OTUD6B: variants seen among roughly 807,000 people sequenced by gnomAD.
OTUD6B encodes OTU deubiquitinase 6B.
OTUD6B carries 41 observed loss-of-function variants against 36.9 expected under a neutral mutation model. The observed-to-expected ratio is 1.11, with a 90% CI of 0.87 to 1.44. The LOEUF (loss-of-function observed/expected upper bound fraction) is 1.44. Ranked by LOEUF, OTUD6B falls within the 40% of genes most tolerant of loss-of-function variation. The pLI is 0.00. For synonymous variants in OTUD6B, 114 were observed against 114.2 expected (o/e 1.00, Z 0.01); for missense variants, 356 against 344.8 (o/e 1.03, Z -0.26).
At chr8:91,075,324 A>G (rs906005711) in intron 3 of OTUD6B, among the ~76,000 whole-genome samples, 4 of 152,046 alleles carry the variant, frequency 2.6e-5, no homozygotes, top group Non-Finnish European at 5.9e-5. Context: ...TCTAGCTTCT[A>G]TAGATCAAAA....
At chr8:91,079,920 G>A (rs1366616283) in intron 4 of OTUD6B, among the ~76,000 whole-genome samples, 1 of 152,058 alleles carries the variant, frequency 6.6e-6, no homozygotes, top group African/African-American at 2.4e-5. Context: ...ATTTAACAGG[G>A]TATGAGACAA....
At chr8:91,070,904 A>G (rs1400677661) in intron 1 of OTUD6B, 1 of 349,896 alleles carries the variant, frequency 2.9e-6, no homozygotes, top group Admixed American at 6.5e-5. Context: ...TCCTTCTCTT[A>G]TCTCGCCAAA....
Position 91,084,868 on chromosome 8 carries a change from AT to A in OTUD6B, c.*3del. The stretch of plus-strand genomic sequence containing the variant: ...ACATAGTTACTGAAAATTGCAGCTA[AT>A]TTATACAATGTTGTACAATTATGTT... On this transcript the variant is annotated 3_prime_UTR_variant, in exon 7 of 7. Coordinates refer to ENST00000404789, the MANE Select transcript of OTUD6B (RefSeq NM_016023.5). The A allele has an allele frequency of 1.4e-6, 2 of 1,457,236 alleles. No individual in the cohort carries two copies. The highest frequency in any genetic ancestry group is 1.9e-6 in the Non-Finnish European group (2 of 1,051,768). 90.3% of individuals were successfully genotyped at this position (1,457,236 alleles called of 1,614,324 possible).
intron 3 of OTUD6B, among the ~76,000 whole-genome samples, chr8:91,075,215 A>G (rs532986722): frequency 6.6e-5 from 10 of 152,212 alleles, no homozygotes; most frequent in South Asian, 2.1e-4. Flanking sequence ...TTGAGTAAAT[A>G]TAATTGTGAA....
intron 5 of OTUD6B, 84 bp downstream of exon 5, chr8:91,080,814 G>A: frequency 1.0e-6 from 1 of 954,656 alleles, no homozygotes; most frequent in Middle Eastern, 2.2e-4. Context: ...TTTCTCAGCT[G>A]ATCCCAATTT....
rs889860569 is a variant in OTUD6B at position 91,078,676 on chromosome 8, A to C, written c.628+8A>C. On this transcript the variant is annotated splice_region_variant and intron_variant, in intron 4 of 6. Transcript: ENST00000404789. ...GAGATATGTATACTCCAGGTAATTT[A>C]TTTTTCTTTACTATGTTTTATTGTT... 32 of 1,511,422 alleles carry C rather than the reference A, an allele frequency of 2.1e-5. No individual in the cohort carries two copies. The highest frequency in any genetic ancestry group is 2.9e-5 in the Non-Finnish European group (32 of 1,119,206). 93.6% of individuals were successfully genotyped at this position (1,511,422 alleles called of 1,614,324 possible). A position where few individuals can be genotyped will look rare whatever the true frequency, so the allele number is the denominator to read the frequency against.
chr8:91,070,604 C>A (rs1033921877), intron 1 of OTUD6B, 138 bp downstream of exon 1: 7 of 768,852 alleles, frequency 9.1e-6, no homozygotes, highest in Non-Finnish European at 1.3e-5. Flanking sequence ...GGCCTCTTCT[C>A]TCTTCACCTA....
At position 91,073,907 on chromosome 8, in the gene OTUD6B, G is replaced by C. The variant is rs1812752776; in HGVS notation, c.311G>C (p.Arg104Thr). ...CCTCGGATATCAAAAGCACAAAAGA[G>C]ACGGGTATGAAAGTCATGTCACCAA... ...QPPRISKAQK[R>T]REKKAALEKE... The change falls in exon 3 of 7, where the codon AGA becomes ACA. Residue 104 changes from arginine to threonine, a missense_variant. Transcript: ENST00000404789. 6.3e-7 allele frequency: 1 copy of C among 1,585,712 alleles called. No homozygotes were observed. The highest frequency in any genetic ancestry group is 1.2e-5 in the South Asian group (1 of 86,870).
At chr8:91,078,759 C>A in intron 4 of OTUD6B, 91 bp downstream of exon 4, 1 of 736,308 alleles carries the variant, frequency 1.4e-6, no homozygotes, top group Non-Finnish European at 2.1e-6. Flanking sequence ...TAAGAAGAAC[C>A]CAGATGATCC....
chr8:91,083,383 A>G (rs573383992), intron 5 of OTUD6B, among the ~76,000 whole-genome samples: 3 of 152,288 alleles, frequency 2.0e-5, no homozygotes, highest in African/African-American at 4.8e-5. Context: ...GTAGACTAGT[A>G]TAATATACCT....
intron 3 of OTUD6B, among the ~76,000 whole-genome samples, chr8:91,077,133 A>G (rs1160637933): frequency 1.3e-5 from 2 of 152,106 alleles, no homozygotes; most frequent in African/African-American, 4.8e-5. Flanking sequence ...CAAAATTTAT[A>G]TAACTTAGTT....
intron 3 of OTUD6B, 70 bp downstream of exon 3, chr8:91,073,981 A>C: frequency 9.8e-7 from 1 of 1,024,132 alleles, no homozygotes; most frequent in Non-Finnish European, 1.4e-6. Flanking sequence ...GTACTATCTT[A>C]GGTCTTGTTA....
Position 91,086,699 on chromosome 8 carries a change from T to G in OTUD6B, c.*1831T>G, listed in dbSNP as rs910505768. 1.3e-5 allele frequency: 2 copies of G among 152,098 alleles called. No individual in the cohort carries two copies. Among genetic ancestry groups the G allele is most frequent in the African/African-American group, 4.8e-5 (2 of 41,454 alleles). The allele number at this position is 152,098 out of a possible 1,614,324, so 9.4% of individuals were successfully genotyped here. On this transcript the variant is annotated 3_prime_UTR_variant, in exon 7 of 7. Coordinates refer to ENST00000404789, the MANE Select transcript of OTUD6B (RefSeq NM_016023.5). Reference sequence around the variant, plus strand: ...ATGTCTATTTTTCAATTTTGTTATATTTTTAATTTAAGTGGCCAATGTGGT... The same window carrying G: ...ATGTCTATTTTTCAATTTTGTTATAGTTTTAATTTAAGTGGCCAATGTGGT...
At chr8:91,076,699 A>G in intron 3 of OTUD6B, 1 of 1,263,434 alleles carries the variant, frequency 7.9e-7, no homozygotes, top group Non-Finnish European at 1.1e-6. Flanking sequence ...CAGAAGAGGA[A>G]AATGAGGGGT....
In OTUD6B at chr8:91,084,760, ATTTC is replaced by A. The variant is rs780269846; in HGVS notation, c.798-20_798-17del. ...AAAATTGCTTTCATCAAAACTACTC[ATTTC>A]TTTTTTTTTTTAATTTCAGATATAT... On this transcript the variant is annotated intron_variant, in intron 6 of 6. Transcript: ENST00000404789. 11 of 1,450,422 alleles carry A rather than the reference ATTTC, an allele frequency of 7.6e-6. No homozygotes were observed. The highest frequency in any genetic ancestry group is 2.8e-5 in the South Asian group (2 of 72,364). The allele number at this position is 1,450,422 out of a possible 1,614,324, so 89.8% of individuals were successfully genotyped here. A position where few individuals can be genotyped will look rare whatever the true frequency, so the allele number is the denominator to read the frequency against.
In OTUD6B at chr8:91,085,331, G is replaced by A. The variant is rs1333211299; in HGVS notation, c.*463G>A. The A allele has an allele frequency of 1.3e-5, 2 of 152,082 alleles. No homozygotes were observed. Among genetic ancestry groups the A allele is most frequent in the African/African-American group, 4.8e-5 (2 of 41,414 alleles). The allele number at this position is 152,082 out of a possible 1,614,324, so 9.4% of individuals were successfully genotyped here. A position where few individuals can be genotyped will look rare whatever the true frequency, so the allele number is the denominator to read the frequency against. On this transcript the variant is annotated 3_prime_UTR_variant, in exon 7 of 7. Coordinates refer to ENST00000404789, the MANE Select transcript of OTUD6B (RefSeq NM_016023.5). ...TCAATTTAATTATTGCTTATAAAATGAACTTGATTGCAGTAACCATGGTAT... is the reference window on the plus strand; with the variant it reads ...TCAATTTAATTATTGCTTATAAAATAAACTTGATTGCAGTAACCATGGTAT...
rs756619826 is a variant in OTUD6B, at chr8:91,078,589, C to T, written c.549C>T (p.Thr183=). Residue 183 remains threonine (T), a synonymous_variant, in exon 4 of 7, where the codon ACC becomes ACT. Transcript: ENST00000404789. ...ALTVVALRSQ[T]AEYMQSHVED... ...CTGTGGTTGCCTTGAGAAGTCAGAC[C>T]GCTGAGTATATGCAAAGCCATGTGG... 24 of 1,604,164 alleles carry T rather than the reference C, an allele frequency of 1.5e-5. No homozygotes were observed. The highest frequency in any genetic ancestry group is 2.2e-5 in the South Asian group (2 of 89,336).
rs185227993 is a variant in OTUD6B, at chr8:91,074,305, G to A, written c.315+394G>A. ...TAAAAATTCAGAATGTGGGCCCAGGGGATTCTGATGCACAACCCTAGCCAA... is the reference window on the plus strand; with the variant it reads ...TAAAAATTCAGAATGTGGGCCCAGGAGATTCTGATGCACAACCCTAGCCAA... On this transcript the variant is annotated intron_variant, in intron 3 of 6. Transcript: ENST00000404789. 2.3e-3 allele frequency among the ~76,000 whole-genome samples: 354 copies of A among 152,072 alleles called. 1 individual carries two copies. The highest frequency in any genetic ancestry group is 0.02 in the Admixed American group (311 of 15,284).
intron 6 of OTUD6B, 106 bp downstream of exon 6, chr8:91,084,220 T>G (rs1451198490): frequency 1.5e-6 from 1 of 669,906 alleles, no homozygotes; most frequent in African/African-American, 1.8e-5. Flanking sequence ...TAGATAATTT[T>G]TTAAACCTCT....
Sources: gnomAD v4.1 joint callset for allele counts (sites outside exome capture counted in the v4.1 genomes callset) on GRCh38, gnomAD v4.1.1 for gene constraint, MANE v1.5 for transcripts, NCBI Gene and HGNC (gene_info 2026-07-23, HGNC 2026-07-21) for gene names.